AFF3: variants seen among roughly 807,000 people sequenced by gnomAD.
AFF3 encodes ALF transcription elongation factor 3.
Under a neutral mutation model 129.7 loss-of-function variants are expected in AFF3, and 32 were observed. The observed-to-expected ratio is 0.25, with a 90% confidence interval of 0.19 to 0.33. The LOEUF (loss-of-function observed/expected upper bound fraction) is 0.33, where lower values mean the gene tolerates loss of function less well. Among genes scored for constraint, AFF3 ranks in the 10% least tolerant of loss-of-function variants. AFF3 has a pLI of 1.00. For missense variants in AFF3, 1,373 were observed against 1,592.0 expected (o/e 0.86, Z 2.34); for synonymous variants, 644 against 635.4 (o/e 1.01, Z -0.20).
chr2:100,044,022 T>G (rs182361182), intron 4 of AFF3, among the ~76,000 whole-genome samples: 50 of 152,360 alleles, frequency 3.3e-4, no homozygotes, highest in African/African-American at 1.2e-3. Flanking sequence ...AGCTTGCACC[T>G]GAGCGTCTCC....
At chr2:100,050,244 T>C (rs1192399736) in intron 4 of AFF3, among the ~76,000 whole-genome samples, 1 of 152,056 alleles carries the variant, frequency 6.6e-6, no homozygotes, top group East Asian at 1.9e-4. Context: ...TTCACGGTTG[T>C]CTCTCAAAAT....
At chr2:100,081,452 T>C (rs948876955) in intron 4 of AFF3, among the ~76,000 whole-genome samples, 46 of 152,038 alleles carry the variant, frequency 3.0e-4, no homozygotes, top group African/African-American at 9.6e-4. Context: ...ACCATGTCAG[T>C]GACCACCTGC....
chr2:99,648,540 G>A (rs1235495514), intron 13 of AFF3, among the ~76,000 whole-genome samples: 2 of 152,148 alleles, frequency 1.3e-5, no homozygotes, highest in African/African-American at 4.8e-5. Flanking sequence ...ACGCAGGCTT[G>A]TGTGGTTGTC....
At chr2:99,585,972 G>A (rs983980553) in intron 16 of AFF3, among the ~76,000 whole-genome samples, 11 of 151,898 alleles carry the variant, frequency 7.2e-5, no homozygotes, top group Admixed American at 1.3e-4. Context: ...CTTGTGATCC[G>A]CCCGCCTCAG....
intron 7 of AFF3, among the ~76,000 whole-genome samples, chr2:99,871,833 A>G (rs1216154984): frequency 6.6e-6 from 1 of 152,174 alleles, no homozygotes; most frequent in East Asian, 1.9e-4. Flanking sequence ...ATACATGACA[A>G]AGCCCTCAGT....
chr2:100,068,417 T>C (rs1385214691), intron 4 of AFF3, among the ~76,000 whole-genome samples: 1 of 152,194 alleles, frequency 6.6e-6, no homozygotes, highest in Non-Finnish European at 1.5e-5. Flanking sequence ...AGCTGTTTGT[T>C]GAGGCTGTGG....
rs576029437 is a variant in AFF3 at position 99,873,070 on chromosome 2, C to T, written c.874-35546G>A. ...CATTCTTTAAAGTGAAATAGTGTTT[C>T]GTGAATAAACGTAGCTTTTCTCAAG... is the stretch of plus-strand genomic sequence containing the variant. On this transcript the variant is annotated intron_variant, in intron 7 of 24. Coordinates refer to ENST00000672756, the MANE Select transcript of AFF3 (RefSeq NM_001386135.1). Among the ~76,000 whole-genome samples the T allele has an allele frequency of 5.3e-5, 8 of 152,304 alleles. No homozygotes were observed. In the East Asian group the frequency reaches 5.8e-4, roughly 11 times the overall value.
rs533366625 is a variant in AFF3 at position 99,826,937 on chromosome 2, T to A, written c.921+10540A>T. Among the ~76,000 whole-genome samples the A allele has an allele frequency of 2.0e-5, 3 of 151,416 alleles. No homozygotes were observed. In the South Asian group the frequency reaches 6.3e-4, roughly 32 times the overall value. On this transcript the variant is annotated intron_variant, in intron 8 of 24. Transcript: ENST00000672756. ...GGATGAACAAGGAGATAGCTGGAGG[T>A]AAAGAGAAGTGGACCCACCGGAGGG...
chr2:100,139,027 G>T (rs1692751969), intron 1 of AFF3, among the ~76,000 whole-genome samples: 1 of 151,858 alleles, frequency 6.6e-6, no homozygotes, highest in Non-Finnish European at 1.5e-5. Flanking sequence ...AGAGGATTTG[G>T]GGGTAGAATG....
chr2:99,853,028 C>T (rs1690264286), intron 7 of AFF3, among the ~76,000 whole-genome samples: 1 of 152,042 alleles, frequency 6.6e-6, no homozygotes, highest in Non-Finnish European at 1.5e-5. Flanking sequence ...AGAAATTTTG[C>T]AAATAACATG....
Position 99,582,967 on chromosome 2 carries a change from A to G in AFF3, c.2624T>C (p.Met875Thr), listed in dbSNP as rs770466849. ...VAIPINKNEKMLRSPISPLSD... is the reference protein window; with the variant it reads ...VAIPINKNEKTLRSPISPLSD... ...GAGGGGTGAGATGGGCGACCGAAGC[A>G]TTTTTTCATTTTTATTTATTGGTAT... The change falls in exon 17 of 25, where the codon ATG becomes ACG. Residue 875 changes from methionine to threonine, a missense_variant. Coordinates refer to ENST00000672756, the MANE Select transcript of AFF3 (RefSeq NM_001386135.1). 6.2e-7 allele frequency: 1 copy of G among 1,613,982 alleles called. No homozygotes were observed. Among genetic ancestry groups the G allele is most frequent in the South Asian group, 1.1e-5 (1 of 91,082 alleles).
At chr2:99,893,570 C>G (rs1410053061) in intron 7 of AFF3, among the ~76,000 whole-genome samples, 2 of 152,312 alleles carry the variant, frequency 1.3e-5, no homozygotes, top group East Asian at 3.9e-4. Context: ...AGGACTGGGG[C>G]TCTCACCAAA....
At chr2:99,879,911 AAC>A (rs1692580630) in intron 7 of AFF3, among the ~76,000 whole-genome samples, 3 of 152,348 alleles carry the variant, frequency 2.0e-5, no homozygotes, top group South Asian at 2.1e-4. Context: ...AAAATATAAA[AAC>A]AGTTAAAAAC....
At chr2:99,891,446 A>G (rs1693544000) in intron 7 of AFF3, among the ~76,000 whole-genome samples, 1 of 152,198 alleles carries the variant, frequency 6.6e-6, no homozygotes, top group African/African-American at 2.4e-5. Flanking sequence ...ATGATCAGTA[A>G]AGAAGCGAAC....
At chr2:99,781,831 C>T (rs1382909220) in intron 8 of AFF3, among the ~76,000 whole-genome samples, 1 of 152,008 alleles carries the variant, frequency 6.6e-6, no homozygotes, top group Admixed American at 6.6e-5. Context: ...CATTTGTTAC[C>T]AGATTAACCA....
chr2:99,903,271 A>G (rs2106155423), intron 7 of AFF3, among the ~76,000 whole-genome samples: 1 of 152,284 alleles, frequency 6.6e-6, no homozygotes, highest in Non-Finnish European at 1.5e-5. Flanking sequence ...TTAAAATGTG[A>G]GAAATGTGTA....
At chr2:100,084,399 T>C (rs551807626) in intron 4 of AFF3, among the ~76,000 whole-genome samples, 1 of 152,246 alleles carries the variant, frequency 6.6e-6, no homozygotes, top group African/African-American at 2.4e-5. Flanking sequence ...AAAATAGAGC[T>C]ATCCACAGCT....
intron 13 of AFF3, among the ~76,000 whole-genome samples, chr2:99,611,249 C>T (rs1179895367): frequency 6.6e-6 from 1 of 152,096 alleles, no homozygotes; most frequent in Non-Finnish European, 1.5e-5. Context: ...TTTATGATGG[C>T]TGCTTTAAAA....
intron 7 of AFF3, among the ~76,000 whole-genome samples, chr2:99,859,128 G>C (rs1220283429): frequency 1.3e-5 from 2 of 152,140 alleles, no homozygotes; most frequent in African/African-American, 4.8e-5. Flanking sequence ...TCCTCTAATA[G>C]AATTATTTTA....
Sources: gnomAD v4.1 joint callset for allele counts (sites outside exome capture counted in the v4.1 genomes callset) on GRCh38, gnomAD v4.1.1 for gene constraint, MANE v1.5 for transcripts, NCBI Gene and HGNC (gene_info 2026-07-23, HGNC 2026-07-21) for gene names.